The following LRBA variants were observed in gnomAD, a reference collection of about 807,000 sequenced individuals.
LRBA encodes lipopolysaccharide-responsive and beige-like anchor protein.
A neutral mutation model predicts 330.0 loss-of-function variants in LRBA; 176 were observed. That is an observed-to-expected ratio of 0.53 (90% CI 0.47 to 0.60). The LOEUF is 0.60. LRBA is among the 20% of genes least tolerant of loss of function. The pLI is 0.00. For missense variants in LRBA, 3,259 were observed against 3,444.8 expected, an observed-to-expected ratio of 0.95 and a Z score of 1.35; for synonymous variants, 1,230 against 1,193.0, an observed-to-expected ratio of 1.03 and a Z score of -0.64.
At chr4:150,465,865 A>C (rs1755383818) in intron 44 of LRBA, among the ~76,000 whole-genome samples, 1 of 152,150 alleles carries the variant, frequency 6.6e-6, no homozygotes, top group Non-Finnish European at 1.5e-5. Context: ...GGCACAAGAG[A>C]TACAGAAATT....
chr4:150,415,418 G>T lies in LRBA; in HGVS notation c.7194+20C>A. ...TGAGCAAAAGCTCATGACAGACAGA[G>T]TAGATGATTATTATCTTACCAATCT... On this transcript the variant is annotated intron_variant, in intron 47 of 56. Transcript: ENST00000651943. The T allele has an allele frequency of 1.2e-6, 2 of 1,609,648 alleles. No individual in the cohort carries two copies. The highest frequency in any genetic ancestry group is 1.7e-6 in the Non-Finnish European group (2 of 1,177,506).
chr4:150,974,487 T>C (rs1476958281), intron 2 of LRBA, among the ~76,000 whole-genome samples: 1 of 152,150 alleles, frequency 6.6e-6, no homozygotes, highest in Non-Finnish European at 1.5e-5. Flanking sequence ...CTGAATTCTA[T>C]TCAAAGTGGA....
rs1056837939 is a variant in LRBA at position 150,964,304 on chromosome 4, G to A, written c.217-35239C>T. Among the ~76,000 whole-genome samples, 6 of 149,536 alleles carry A rather than the reference G, an allele frequency of 4.0e-5. 1 individual carries two copies. Among genetic ancestry groups the A allele is most frequent in the South Asian group, 4.1e-4 (2 of 4,828 alleles). On this transcript the variant is annotated intron_variant, in intron 2 of 56. Coordinates refer to ENST00000651943, the MANE Select transcript of LRBA (RefSeq NM_001364905.1). ...AAGTGAGGAGCCCCTCTGCCCGGCC[G>A]CCACCCCGTCTGGGAGGTGTACCCA...
At chr4:150,907,396 C>A (rs1430418464) in intron 11 of LRBA, among the ~76,000 whole-genome samples, 1 of 150,936 alleles carries the variant, frequency 6.6e-6, no homozygotes, top group Non-Finnish European at 1.5e-5. Flanking sequence ...TGTAAGTAAA[C>A]CCTGTTAGAA....
At chr4:150,481,102 T>C (rs1319170943) in intron 42 of LRBA, among the ~76,000 whole-genome samples, 1 of 152,348 alleles carries the variant, frequency 6.6e-6, no homozygotes, top group South Asian at 2.1e-4. Flanking sequence ...TTTAACTTTC[T>C]GTGCCTGGCT....
rs766543982 is a variant in LRBA, at chr4:150,590,765, G to A, written c.6141C>T (p.Gly2047=). 8 of 1,613,748 alleles carry A rather than the reference G, an allele frequency of 5.0e-6. No homozygotes were observed. Among genetic ancestry groups the A allele is most frequent in the South Asian group, 3.3e-5 (3 of 91,070 alleles). The part of the protein sequence containing the change: ...QNSENEILLE[G]DDDTLSSVDE... ...CCACGGATGACAGAGTATCATCATC[G>A]CCTTCCAGGAGGATCTCGTTTTCTG... Residue 2047 remains glycine (G), a synonymous_variant, in exon 39 of 57, where the codon GGC becomes GGT. Transcript: ENST00000651943.
chr4:150,748,338 G>C (rs933840730), intron 35 of LRBA, among the ~76,000 whole-genome samples: 1 of 152,110 alleles, frequency 6.6e-6, no homozygotes, highest in African/African-American at 2.4e-5. Flanking sequence ...AAGAATGTAA[G>C]CCATGGTGTT....
intron 36 of LRBA, among the ~76,000 whole-genome samples, chr4:150,724,894 GTA>G (rs1019345049): frequency 7.1e-4 from 103 of 145,266 alleles, no homozygotes; most frequent in African/African-American, 2.4e-3. Flanking sequence ...ATATATATAT[GTA>G]TATATATACA....
chr4:150,334,650 G>A (rs1039743823), intron 48 of LRBA, among the ~76,000 whole-genome samples: 14 of 151,530 alleles, frequency 9.2e-5, no homozygotes, highest in Non-Finnish European at 8.8e-5. Context: ...AAGATTGGCA[G>A]AATAAAAATT....
In LRBA at chr4:150,897,806, G is replaced by T; in HGVS notation, c.1937C>A (p.Pro646His). The change falls in exon 15 of 57, where the codon CCT becomes CAT. Residue 646 changes from proline (P) to histidine (H), a missense_variant. Physicochemically the swap from Pro to His is moderately conservative, Grantham distance 77. Coordinates refer to ENST00000651943, the MANE Select transcript of LRBA (RefSeq NM_001364905.1). ...ITPKGLDGPRPNQKEMLSLRA... is the reference protein window; with the variant it reads ...ITPKGLDGPRHNQKEMLSLRA... The stretch of plus-strand genomic sequence containing the variant: ...TAGAGAAAGCATTTCTTTTTGATTA[G>T]GTCGCGGTCCATCTTTTAAAAAAAT... The T allele has an allele frequency of 6.2e-7, 1 of 1,610,784 alleles. No individual in the cohort carries two copies. The highest frequency in any genetic ancestry group is 8.5e-7 in the Non-Finnish European group (1 of 1,177,782).
intron 48 of LRBA, among the ~76,000 whole-genome samples, chr4:150,326,961 TTC>T (rs1178161077): frequency 6.6e-6 from 1 of 152,274 alleles, no homozygotes; most frequent in Non-Finnish European, 1.5e-5. Context: ...CTCAAATATT[TTC>T]TGATAGAGTG....
chr4:150,645,838 T>C (rs374370697), intron 37 of LRBA, among the ~76,000 whole-genome samples: 1 of 151,972 alleles, frequency 6.6e-6, no homozygotes, highest in African/African-American at 2.4e-5. Context: ...GCCATCTATT[T>C]TGATGACAGG....
Position 150,509,703 on chromosome 4 carries a change from G to A in LRBA, c.6331-18668C>T, listed in dbSNP as rs372886357. Among the ~76,000 whole-genome samples, 157 of 152,030 alleles carry A rather than the reference G, an allele frequency of 1.0e-3. 1 individual carries two copies. The highest frequency in any genetic ancestry group is 1.3e-3 in the Non-Finnish European group (88 of 67,992). ...GGGAAAAAAAATAGATGTAAATCAC[G>A]AATATCAGGAATTATAACAGGAATT... On this transcript the variant is annotated intron_variant, in intron 40 of 56. Coordinates refer to ENST00000651943, the MANE Select transcript of LRBA (RefSeq NM_001364905.1).
chr4:150,531,421 C>T (rs1003313093), intron 40 of LRBA, among the ~76,000 whole-genome samples: 39 of 152,288 alleles, frequency 2.6e-4, no homozygotes, highest in African/African-American at 8.9e-4. Flanking sequence ...ATGGCTTCTT[C>T]CCTCACTTCA....
chr4:150,702,760 A>C (rs1177722415), intron 36 of LRBA, among the ~76,000 whole-genome samples: 1 of 152,236 alleles, frequency 6.6e-6, no homozygotes, highest in Non-Finnish European at 1.5e-5. Context: ...GCATGAATTT[A>C]AACATGCTTT....
chr4:150,490,225 A>G (rs1272852581), intron 41 of LRBA, among the ~76,000 whole-genome samples: 2 of 151,798 alleles, frequency 1.3e-5, no homozygotes, highest in African/African-American at 4.8e-5. Flanking sequence ...ATAGGCAGTT[A>G]TGTGTACCTT....
chr4:150,950,324 T>C (rs1736691310), intron 2 of LRBA, among the ~76,000 whole-genome samples: 2 of 152,180 alleles, frequency 1.3e-5, no homozygotes, highest in African/African-American at 4.8e-5. Flanking sequence ...TGTCATGAAT[T>C]TCATATTCAA....
At chr4:150,564,289 G>T (rs1289619755) in intron 40 of LRBA, among the ~76,000 whole-genome samples, 2 of 152,144 alleles carry the variant, frequency 1.3e-5, no homozygotes, top group Non-Finnish European at 2.9e-5. Context: ...AATGGGGAAA[G>T]GATTCCCTAT....
At chr4:150,455,169 C>T (rs1196123340) in intron 44 of LRBA, among the ~76,000 whole-genome samples, 4 of 148,696 alleles carry the variant, frequency 2.7e-5, no homozygotes, top group Non-Finnish European at 5.9e-5. Context: ...ATTCCCCTTC[C>T]TGTGTCCATG....
Sources: allele counts gnomAD v4.1 joint callset (sites outside exome capture counted in the v4.1 genomes callset), GRCh38; gene constraint gnomAD v4.1.1; transcripts MANE v1.5; gene names NCBI Gene and HGNC (gene_info 2026-07-23, HGNC 2026-07-21).